CDK8: variants seen among roughly 807,000 people sequenced by gnomAD.
The protein encoded by CDK8 is cyclin dependent kinase 8.
A neutral mutation model predicts 71.5 loss-of-function variants in CDK8; 29 were observed. That is an observed-to-expected ratio of 0.41 (90% CI 0.30 to 0.55). The LOEUF is 0.55. Among genes scored for constraint, CDK8 ranks in the 20% least tolerant of loss-of-function variants. The pLI, the probability that CDK8 is intolerant of heterozygous loss-of-function variation, is 0.37. For missense variants in CDK8, 288 were observed against 572.6 expected (o/e 0.50, Z 5.07); for synonymous variants, 161 against 192.1 (o/e 0.84, Z 1.34).
chr13:26,320,909 G>T (rs1263537403), intron 1 of CDK8, among the ~76,000 whole-genome samples: 1 of 152,140 alleles, frequency 6.6e-6, no homozygotes, highest in Admixed American at 6.5e-5. Context: ...TGGAACTCTT[G>T]TGCACTGTTG....
Position 26,401,042 on chromosome 13 carries a change from G to A in CDK8, c.1032-227G>A, listed in dbSNP as rs764969044. ...AAAAGAAGAAAGCTGAATCATACTC[G>A]ATGATTATTGATCATTTGTATACAG... On this transcript the variant is annotated intron_variant, in intron 10 of 12. Coordinates refer to ENST00000381527, the MANE Select transcript of CDK8 (RefSeq NM_001260.3). This position sits in a 1 kb window ranked among gnomAD's most constrained non-coding sequence, Gnocchi z 4.5. Among the ~76,000 whole-genome samples, 3 of 152,118 alleles carry A rather than the reference G, an allele frequency of 2.0e-5. No individual in the cohort carries two copies. The highest frequency in any genetic ancestry group is 4.4e-5 in the Non-Finnish European group (3 of 68,014).
chr13:26,323,022 A>AC (rs1874851776), intron 1 of CDK8, among the ~76,000 whole-genome samples: 1 of 152,104 alleles, frequency 6.6e-6, no homozygotes, highest in African/African-American at 2.4e-5. Context: ...TTTTTTGGGC[A>AC]ATAGGTACAT....
intron 1 of CDK8, among the ~76,000 whole-genome samples, chr13:26,267,344 G>GGACTA (rs1739776941): frequency 6.6e-6 from 1 of 151,880 alleles, no homozygotes; most frequent in Non-Finnish European, 1.5e-5. Flanking sequence ...AAATAAGATG[G>GGACTA]GACTATGAAA....
At chr13:26,344,717 A>C (rs1593277401) in intron 2 of CDK8, among the ~76,000 whole-genome samples, 1 of 151,660 alleles carries the variant, frequency 6.6e-6, no homozygotes, top group East Asian at 1.9e-4. Context: ...ATGCCACTTC[A>C]CTTCAGCCTG....
intron 1 of CDK8, among the ~76,000 whole-genome samples, chr13:26,295,114 TTATTAAAGG>T (rs1360983192): frequency 2.0e-5 from 3 of 152,224 alleles, no homozygotes; most frequent in Non-Finnish European, 4.4e-5. Context: ...TGGTCTTTTC[TTATTAAAGG>T]TTTTTCTTAA....
intron 4 of CDK8, among the ~76,000 whole-genome samples, chr13:26,366,723 A>G (rs556510340): frequency 2.6e-4 from 39 of 152,352 alleles, no homozygotes; most frequent in African/African-American, 8.9e-4. Flanking sequence ...TTTTCAGATC[A>G]CAGACAGGCT....
At position 26,273,210 on chromosome 13, in the gene CDK8, A is replaced by G. The variant is rs569607998; in HGVS notation, c.128+18441A>G. On this transcript the variant is annotated intron_variant, in intron 1 of 12. Coordinates refer to ENST00000381527, the MANE Select transcript of CDK8 (RefSeq NM_001260.3). ...ATACTTTGTTAAAAATCAGTTGGCC[A>G]TAAATATAGGATATTTTTCTGGTCT... is the stretch of plus-strand genomic sequence containing the variant. Among the ~76,000 whole-genome samples, 190 of 152,340 alleles carry G rather than the reference A, an allele frequency of 1.2e-3. 1 individual carries two copies. The highest frequency in any genetic ancestry group is 4.4e-3 in the African/African-American group (183 of 41,578).
intron 4 of CDK8, among the ~76,000 whole-genome samples, chr13:26,379,052 T>C (rs531903868): frequency 5.9e-5 from 9 of 152,324 alleles, no homozygotes; most frequent in South Asian, 2.1e-4. Flanking sequence ...TCCCATTAGA[T>C]TACATTCAGA....
intron 1 of CDK8, among the ~76,000 whole-genome samples, chr13:26,335,931 A>ACAG (rs1166537030): frequency 6.6e-6 from 1 of 151,356 alleles, no homozygotes; most frequent in Non-Finnish European, 1.5e-5. Flanking sequence ...AACAACAACA[A>ACAG]CAACAACAAC....
chr13:26,319,750 C>T (rs1374146103), intron 1 of CDK8, among the ~76,000 whole-genome samples: 1 of 150,836 alleles, frequency 6.6e-6, no homozygotes, highest in East Asian at 1.9e-4. Flanking sequence ...TCTGGGGACT[C>T]CACATATTCA....
At chr13:26,268,291 ACACACAC>A (rs1872131256) in intron 1 of CDK8, among the ~76,000 whole-genome samples, 1 of 150,618 alleles carries the variant, frequency 6.6e-6, no homozygotes, top group Non-Finnish European at 1.5e-5. Flanking sequence ...ACACACACAC[ACACACAC>A]ACACACACAC....
chr13:26,298,799 T>C (rs1873682657), intron 1 of CDK8, among the ~76,000 whole-genome samples: 1 of 152,170 alleles, frequency 6.6e-6, no homozygotes, highest in African/African-American at 2.4e-5. Flanking sequence ...TTGGCAATTT[T>C]AGTGACGCTT....
chr13:26,274,674 G>A (rs911219685), intron 1 of CDK8, among the ~76,000 whole-genome samples: 5 of 151,958 alleles, frequency 3.3e-5, no homozygotes, highest in African/African-American at 1.2e-4. Context: ...CTCGTGATCC[G>A]CCCGGCTCAT....
intron 1 of CDK8, among the ~76,000 whole-genome samples, chr13:26,336,296 T>C (rs959699265): frequency 3.9e-5 from 6 of 152,180 alleles, no homozygotes; most frequent in Non-Finnish European, 5.9e-5. Flanking sequence ...TTCTAATGAG[T>C]GCCTAGTGGA....
chr13:26,400,792 T>C (rs1446868514), intron 10 of CDK8, among the ~76,000 whole-genome samples: 1 of 152,180 alleles, frequency 6.6e-6, no homozygotes, highest in Non-Finnish European at 1.5e-5. Flanking sequence ...GTGATCCAGC[T>C]ATTCAGTGAC....
intron 3 of CDK8, among the ~76,000 whole-genome samples, chr13:26,350,341 A>G (rs1212110544): frequency 6.6e-6 from 1 of 152,144 alleles, no homozygotes; most frequent in Non-Finnish European, 1.5e-5. Flanking sequence ...ACCTATGATA[A>G]GAATAGTTTT....
intron 1 of CDK8, among the ~76,000 whole-genome samples, chr13:26,310,503 G>A (rs559960789): frequency 1.1e-4 from 17 of 152,090 alleles, no homozygotes; most frequent in South Asian, 4.2e-4. Context: ...GATGGGGGAC[G>A]GTGACAGATC....
chr13:26,279,131 C>T (rs773820011), intron 1 of CDK8, among the ~76,000 whole-genome samples: 10 of 149,548 alleles, frequency 6.7e-5, no homozygotes, highest in African/African-American at 9.9e-5. Flanking sequence ...GAATCCATCT[C>T]GATAGTAAAA....
chr13:26,272,476 A>G (rs1306032100), intron 1 of CDK8, among the ~76,000 whole-genome samples: 1 of 152,198 alleles, frequency 6.6e-6, no homozygotes, highest in Non-Finnish European at 1.5e-5. Flanking sequence ...GTCATCTCCT[A>G]TGATGATAAT....
Sources: gnomAD v4.1 joint callset for allele counts (sites outside exome capture counted in the v4.1 genomes callset) on GRCh38, gnomAD v4.1.1 for gene constraint, Gnocchi (gnomAD v3.1) non-coding constraint, MANE v1.5 for transcripts, NCBI Gene and HGNC (gene_info 2026-07-23, HGNC 2026-07-21) for gene names.